JMJD8: variants seen among roughly 807,000 people sequenced by gnomAD.
JMJD8 encodes the protein jumonji domain containing 8.
A neutral mutation model predicts 37.6 loss-of-function variants in JMJD8; 56 were observed. That is an observed-to-expected ratio of 1.49 (90% CI 1.20 to 1.86). The LOEUF (loss-of-function observed/expected upper bound fraction) is 1.86, where lower values mean the gene tolerates loss of function less well. JMJD8 is among the 40% of genes most tolerant of loss of function. The pLI, the probability that JMJD8 is intolerant of heterozygous loss-of-function variation, is 0.00. For synonymous variants in JMJD8, 261 were observed against 163.7 expected (o/e 1.59, Z -4.54); for missense variants, 542 against 362.7 (o/e 1.49, Z -4.01).
chr16:683,901 A>G lies in JMJD8; in HGVS notation c.185T>C (p.Phe62Ser), dbSNP rs1259972629. 1 of 1,580,640 alleles carries G rather than the reference A, an allele frequency of 6.3e-7. No homozygotes were observed. Among genetic ancestry groups the G allele is most frequent in the Non-Finnish European group, 8.6e-7 (1 of 1,166,264 alleles). ...TCCCTGCAGGATGACGGGCCTGACG[A>G]AGGCGTACCTGGAAAGAAGGGCAGA... is the stretch of plus-strand genomic sequence containing the variant. The part of the protein sequence containing the change: ...TYAEFVQQYA[F>S]VRPVILQGLT... The change falls in exon 3 of 9, where the codon TTC becomes TCC. Residue 62 changes from phenylalanine to serine, a missense_variant. Physicochemically the swap from Phe to Ser is radical, Grantham distance 155. Coordinates refer to ENST00000609261, the MANE Select transcript of JMJD8 (RefSeq NM_001005920.4).
At chr16:683,952 C>T (rs779186735) in intron 2 of JMJD8, 43 bp from the exon 3 acceptor site, 2 of 1,559,484 alleles carry the variant, frequency 1.3e-6, no homozygotes, top group Non-Finnish European at 1.7e-6. Context: ...GACCGCCAGC[C>T]TCGCCGCCCC....
In JMJD8 at chr16:683,429, A is replaced by T. The variant is rs192525894; in HGVS notation, c.404T>A (p.Phe135Tyr). 51 of 1,552,044 alleles carry T rather than the reference A, an allele frequency of 3.3e-5. No homozygotes were observed. The East Asian group carries it at 4.4e-4, about 13-fold the overall frequency. ...PTSLGNDTLY[F>Y]FGDNNFTEWA... ...CTCGGTGAAGTTGTTGTCCCCGAAG[A>T]AGTACAGGGTGTCTGCCAACAGAGA... The change falls in exon 6 of 9, where the codon TTC (phenylalanine) becomes TAC (tyrosine). Residue 135 changes from phenylalanine to tyrosine, a missense_variant. By Grantham distance (22) the Phe-to-Tyr change is conservative. Coordinates refer to ENST00000609261, the MANE Select transcript of JMJD8 (RefSeq NM_001005920.4).
At position 682,755 on chromosome 16, in the gene JMJD8, G is replaced by T; in HGVS notation, c.*39C>A. ...AAAATCCGTGAGCACGAGGTGGGAC[G>T]TGCTGGTGTGTGACCGGCAGTCCTG... On this transcript the variant is annotated 3_prime_UTR_variant, in exon 9 of 9. Coordinates refer to ENST00000609261, the MANE Select transcript of JMJD8 (RefSeq NM_001005920.4). The T allele has an allele frequency of 1.2e-6, 2 of 1,601,324 alleles. No homozygotes were observed.
rs2039707561 is a variant in JMJD8, at chr16:682,453, A to C, written c.*341T>G. ...TGGCTATGAAGGAGGTTATTGACGC[A>C]TTCATCTCTGAGAATGGCTGGGTGG... On this transcript the variant is annotated 3_prime_UTR_variant, in exon 9 of 9. Coordinates refer to ENST00000609261, the MANE Select transcript of JMJD8 (RefSeq NM_001005920.4). 1 of 1,613,486 alleles carries C rather than the reference A, an allele frequency of 6.2e-7. No individual in the cohort carries two copies. Among genetic ancestry groups the C allele is most frequent in the Non-Finnish European group, 8.5e-7 (1 of 1,180,020 alleles).
chr16:683,027 C>A lies in JMJD8; in HGVS notation c.640G>T (p.Ala214Ser), dbSNP rs1596555807. The A allele has an allele frequency of 1.2e-6, 2 of 1,613,486 alleles. No homozygotes were observed. The highest frequency in any genetic ancestry group is 8.5e-7 in the Non-Finnish European group (1 of 1,179,874). Reference sequence around the variant, plus strand: ...GCTGGGTATGTGTCCCGGAGCCAGGCCAGCGTGGTCTTGTTGGGGTGGAAC... The same window carrying A: ...GCTGGGTATGTGTCCCGGAGCCAGGACAGCGTGGTCTTGTTGGGGTGGAAC... ...PEFHPNKTTL[A>S]WLRDTYPALP... Residue 214 changes from alanine to serine, a missense_variant, in exon 8 of 9, where the codon GCC (alanine) becomes TCC (serine). Coordinates refer to ENST00000609261, the MANE Select transcript of JMJD8 (RefSeq NM_001005920.4).
In JMJD8 at chr16:683,304, G is replaced by C; in HGVS notation, c.511+18C>G. 2 of 1,606,676 alleles carry C rather than the reference G, an allele frequency of 1.2e-6. No homozygotes were observed. The highest frequency in any genetic ancestry group is 1.7e-6 in the Non-Finnish European group (2 of 1,176,554). On this transcript the variant is annotated intron_variant, in intron 6 of 8. Coordinates refer to ENST00000609261, the MANE Select transcript of JMJD8 (RefSeq NM_001005920.4). ...CCGACAGAAGCCTCAGTCCTTCCCA[G>C]TCCCAAGAAGCACCCACCTGCGATT...
chr16:684,257 G>T lies in JMJD8; in HGVS notation c.63C>A (p.Ser21=). Reference sequence around the variant, plus strand: ...ACCACCCGCCGTCGCCCTCCGCCCCGGAGCCGGGTAGAGCCACAGCCGCCA... The same window carrying T: ...ACCACCCGCCGTCGCCCTCCGCCCCTGAGCCGGGTAGAGCCACAGCCGCCA... ...WALAAVALPG[S]GAEGDGGWRP... is the part of the protein sequence containing the mutation. Residue 21 remains serine, a synonymous_variant, in exon 1 of 9, where the codon TCC becomes TCA. Transcript: ENST00000609261. 7.3e-7 allele frequency: 1 copy of T among 1,372,230 alleles called. No individual in the cohort carries two copies. The highest frequency in any genetic ancestry group is 9.3e-7 in the Non-Finnish European group (1 of 1,071,396). 85.0% of individuals were successfully genotyped at this position (1,372,230 alleles called of 1,614,324 possible). A position where few individuals can be genotyped will look rare whatever the true frequency, so the allele number is the denominator to read the frequency against.
In JMJD8 at chr16:683,868, T is replaced by C; in HGVS notation, c.218A>G (p.Asp73Gly). The C allele has an allele frequency of 6.3e-7, 1 of 1,585,692 alleles. No individual in the cohort carries two copies. The highest frequency in any genetic ancestry group is 1.3e-5 in the African/African-American group (1 of 74,340). ...GGACGGGCACGCGCTCACCGAGTTG[T>C]CCGTGAGTCCCTGCAGGATGACGGG... ...VRPVILQGLT[D>G]NSRFRALCSR... Residue 73 changes from aspartate to glycine, a missense_variant, in exon 3 of 9, where the codon GAC (aspartate) becomes GGC (glycine). By Grantham distance (94) the Asp-to-Gly change is moderately conservative. Transcript: ENST00000609261.
Position 682,320 on chromosome 16 carries a change from G to A in JMJD8, c.*474C>T. 1.9e-6 allele frequency: 3 copies of A among 1,612,896 alleles called. No homozygotes were observed. Among genetic ancestry groups the A allele is most frequent in the Non-Finnish European group, 2.5e-6 (3 of 1,179,968 alleles). On this transcript the variant is annotated 3_prime_UTR_variant, in exon 9 of 9. Transcript: ENST00000609261. ...CTGGGGGAGCAGGGCCAGTGGCATG[G>A]TCCTGGGCCCCATGACTGCCCTCTG... is the stretch of plus-strand genomic sequence containing the variant.
In JMJD8 at chr16:683,590, G is replaced by T. The variant is rs1409651073; in HGVS notation, c.331C>A (p.Pro111Thr). ...NTYSYHKVDL[P>T]FQEYVEQLLH... ...AGCTGCTCCACATACTCCTGGAAGGGCAAGTCCACTGCAGGAAAGAGACGG... is the reference window on the plus strand; with the variant it reads ...AGCTGCTCCACATACTCCTGGAAGGTCAAGTCCACTGCAGGAAAGAGACGG... Residue 111 changes from proline to threonine, a missense_variant, in exon 5 of 9, where the codon CCC (proline) becomes ACC (threonine). Transcript: ENST00000609261. The T allele has an allele frequency of 6.3e-7, 1 of 1,577,212 alleles. No homozygotes were observed. The highest frequency in any genetic ancestry group is 8.6e-7 in the Non-Finnish European group (1 of 1,161,696).
In JMJD8 at chr16:682,731, A is replaced by T; in HGVS notation, c.*63T>A. On this transcript the variant is annotated 3_prime_UTR_variant, in exon 9 of 9. Coordinates refer to ENST00000609261, the MANE Select transcript of JMJD8 (RefSeq NM_001005920.4). ...CATTGCCGCCACTATCTGTGTAATA[A>T]AATCCGTGAGCACGAGGTGGGACGT... 6.4e-7 allele frequency: 1 copy of T among 1,574,568 alleles called. No homozygotes were observed. Among genetic ancestry groups the T allele is most frequent in the Non-Finnish European group, 8.7e-7 (1 of 1,152,106 alleles).
rs374325615 is a variant in JMJD8 at position 682,757 on chromosome 16, G to A, written c.*37C>T. ...AATCCGTGAGCACGAGGTGGGACGT[G>A]CTGGTGTGTGACCGGCAGTCCTGCC... On this transcript the variant is annotated 3_prime_UTR_variant, in exon 9 of 9. Transcript: ENST00000609261. 2.9e-5 allele frequency: 46 copies of A among 1,604,928 alleles called. No homozygotes were observed. Among genetic ancestry groups the A allele is most frequent in the Non-Finnish European group, 3.4e-5 (40 of 1,173,388 alleles).
chr16:683,879 C>T lies in JMJD8; in HGVS notation c.207G>A (p.Gln69=). The part of the protein sequence containing the change: ...QYAFVRPVIL[Q]GLTDNSRFRA... ...CGCTCACCGAGTTGTCCGTGAGTCCCTGCAGGATGACGGGCCTGACGAAGG... is the reference window on the plus strand; with the variant it reads ...CGCTCACCGAGTTGTCCGTGAGTCCTTGCAGGATGACGGGCCTGACGAAGG... Residue 69 remains glutamine (Q), a synonymous_variant, in exon 3 of 9, where the codon CAG becomes CAA. Transcript: ENST00000609261. 1 of 1,585,882 alleles carries T rather than the reference C, an allele frequency of 6.3e-7. No homozygotes were observed. The highest frequency in any genetic ancestry group is 8.6e-7 in the Non-Finnish European group (1 of 1,168,528).
At chr16:684,184 C>A in intron 1 of JMJD8, 29 bp from the exon 2 acceptor site, 1 of 1,326,008 alleles carries the variant, frequency 7.5e-7, no homozygotes, top group Non-Finnish European at 9.5e-7. Flanking sequence ...CAGCCCGCGC[C>A]CCGCCCGCCG....
intron 7 of JMJD8, 22 bp from the exon 8 acceptor site, chr16:683,109 T>TC: frequency 6.2e-7 from 1 of 1,613,494 alleles, no homozygotes; most frequent in Non-Finnish European, 8.5e-7. Flanking sequence ...AGCAGCAGTG[T>TC]CACCCTTGCC....
chr16:684,316 C>T lies in JMJD8; in HGVS notation c.4G>A (p.Ala2Thr). ...AGCGCGAGCAACCGCGACGCCGGCG[C>T]CATGAGCCTGCCGCCCTCAGGCAGC... M[A>T]PASRLLALWA... The change falls in exon 1 of 9, where the codon GCG becomes ACG. Residue 2 changes from alanine (A) to threonine (T), a missense_variant. Ala to Thr is a moderately conservative substitution (Grantham distance 58, BLOSUM62 0). Transcript: ENST00000609261. 2 of 1,494,864 alleles carry T rather than the reference C, an allele frequency of 1.3e-6. No homozygotes were observed. The highest frequency in any genetic ancestry group is 2.8e-5 in the East Asian group (1 of 35,524). 92.6% of individuals were successfully genotyped at this position (1,494,864 alleles called of 1,614,324 possible).
chr16:682,516 G>C lies in JMJD8; in HGVS notation c.*278C>G, dbSNP rs781465330. The C allele has an allele frequency of 2.5e-6, 4 of 1,612,468 alleles. No individual in the cohort carries two copies. The highest frequency in any genetic ancestry group is 3.4e-6 in the Non-Finnish European group (4 of 1,179,688). Reference sequence around the variant, plus strand: ...GTTCCCTGCCCTACCTGGCGTCCTGGTCCAGGGGAGCCCTGGGCAGAAGCC... The same window carrying C: ...GTTCCCTGCCCTACCTGGCGTCCTGCTCCAGGGGAGCCCTGGGCAGAAGCC... On this transcript the variant is annotated 3_prime_UTR_variant, in exon 9 of 9. Coordinates refer to ENST00000609261, the MANE Select transcript of JMJD8 (RefSeq NM_001005920.4).
At position 684,334 on chromosome 16, in the gene JMJD8, C is replaced by T; in HGVS notation, c.-15G>A. ...GCCGGCGCCATGAGCCTGCCGCCCT[C>T]AGGCAGCCGCGCTGCACGCCGGGAA... On this transcript the variant is annotated 5_prime_UTR_variant, in exon 1 of 9. Transcript: ENST00000609261. 1 of 1,507,526 alleles carries T rather than the reference C, an allele frequency of 6.6e-7. No individual in the cohort carries two copies. Among genetic ancestry groups the T allele is most frequent in the Non-Finnish European group, 8.8e-7 (1 of 1,135,836 alleles). The allele number at this position is 1,507,526 out of a possible 1,614,324, so 93.4% of individuals were successfully genotyped here.
chr16:681,850 G>C lies in JMJD8; in HGVS notation c.*944C>G, dbSNP rs778762773. 6.2e-7 allele frequency: 1 copy of C among 1,611,914 alleles called. No individual in the cohort carries two copies. The highest frequency in any genetic ancestry group is 1.3e-5 in the African/African-American group (1 of 74,938). The stretch of plus-strand genomic sequence containing the variant: ...GTGATGAGGACGACAGCCACGTCCG[G>C]GCCCAGCAGGCCTGCATTGAGGCCA... On this transcript the variant is annotated 3_prime_UTR_variant, in exon 9 of 9. Transcript: ENST00000609261.
Sources: allele counts gnomAD v4.1 joint callset, GRCh38; gene constraint gnomAD v4.1.1; transcripts MANE v1.5; gene names NCBI Gene and HGNC (gene_info 2026-07-23, HGNC 2026-07-21).